Variants in TMEM117 observed in about 807,000 individuals in gnomAD.
TMEM117 encodes transmembrane protein 117.
Under a neutral mutation model 52.4 loss-of-function variants are expected in TMEM117, and 27 were observed. The observed-to-expected ratio is 0.51, with a 90% CI of 0.38 to 0.71. The LOEUF is 0.71. TMEM117 is among the 30% of genes least tolerant of loss of function. The probability of loss-of-function intolerance (pLI) is 0.00; values close to 1 mark genes in which losing one functional copy is unlikely to be tolerated. For synonymous variants in TMEM117, 215 were observed against 206.3 expected (o/e 1.04, Z -0.36); for missense variants, 556 against 630.5 (o/e 0.88, Z 1.26).
At chr12:44,120,713 C>A (rs1948219767) in intron 3 of TMEM117, among the ~76,000 whole-genome samples, 1 of 152,122 alleles carries the variant, frequency 6.6e-6, no homozygotes, top group Non-Finnish European at 1.5e-5. Context: ...TATCTGCTGA[C>A]CCTTAGATGC....
chr12:43,932,895 TA>T (rs1944893727), intron 2 of TMEM117, among the ~76,000 whole-genome samples: 1 of 152,134 alleles, frequency 6.6e-6, no homozygotes, highest in Non-Finnish European at 1.5e-5. Context: ...AAATTCAGGA[TA>T]AAAGGGAGAG....
At chr12:43,912,941 A>G (rs1468814492) in intron 2 of TMEM117, among the ~76,000 whole-genome samples, 2 of 152,188 alleles carry the variant, frequency 1.3e-5, no homozygotes, top group Non-Finnish European at 2.9e-5. Context: ...GATTATTCAT[A>G]AAAGCTATCC....
At chr12:44,275,590 A>G (rs1298534458) in intron 5 of TMEM117, among the ~76,000 whole-genome samples, 1 of 152,144 alleles carries the variant, frequency 6.6e-6, no homozygotes, top group African/African-American at 2.4e-5. Context: ...TGTGGTACAT[A>G]TATATAATGG....
At chr12:44,015,661 C>T (rs1022601615) in intron 3 of TMEM117, among the ~76,000 whole-genome samples, 5 of 152,220 alleles carry the variant, frequency 3.3e-5, no homozygotes, top group African/African-American at 9.6e-5. Flanking sequence ...TAAATTAACT[C>T]TTCGGAATTC....
chr12:44,173,718 T>G (rs548589578), intron 4 of TMEM117, among the ~76,000 whole-genome samples: 2 of 152,168 alleles, frequency 1.3e-5, no homozygotes, highest in East Asian at 1.9e-4. Context: ...AAATACTTAC[T>G]TTCATAAAAT....
chr12:44,294,597 T>C (rs1180863811), intron 5 of TMEM117, among the ~76,000 whole-genome samples: 1 of 152,204 alleles, frequency 6.6e-6, no homozygotes, highest in Non-Finnish European at 1.5e-5. Context: ...GCTTTCACCT[T>C]TCCACTTGAT....
At chr12:44,382,907 C>T (rs566228865) in intron 7 of TMEM117, among the ~76,000 whole-genome samples, 1 of 152,286 alleles carries the variant, frequency 6.6e-6, no homozygotes, top group South Asian at 2.1e-4. Context: ...TAGGGAGAGA[C>T]ATGAAGAGAT....
intron 3 of TMEM117, among the ~76,000 whole-genome samples, chr12:44,049,177 A>G (rs1001615388): frequency 3.9e-5 from 6 of 152,216 alleles, no homozygotes; most frequent in Admixed American, 1.3e-4. Flanking sequence ...ATGCCCATCA[A>G]TGATAGACTG....
intron 2 of TMEM117, among the ~76,000 whole-genome samples, chr12:43,921,245 T>C (rs1000817415): frequency 2.0e-5 from 3 of 152,242 alleles, no homozygotes; most frequent in African/African-American, 7.2e-5. Flanking sequence ...AAAAATATTT[T>C]TCTTTCTGAT....
intron 6 of TMEM117, among the ~76,000 whole-genome samples, chr12:44,368,100 A>T (rs1951814810): frequency 6.6e-6 from 1 of 152,038 alleles, no homozygotes; most frequent in Admixed American, 6.6e-5. Flanking sequence ...CCTCTAGCTG[A>T]TATGATCCTC....
intron 3 of TMEM117, among the ~76,000 whole-genome samples, chr12:44,039,238 G>A (rs1298084670): frequency 6.6e-6 from 1 of 151,974 alleles, no homozygotes; most frequent in Non-Finnish European, 1.5e-5. Flanking sequence ...TTCTTTCACA[G>A]ATTTCTTATG....
intron 5 of TMEM117, among the ~76,000 whole-genome samples, chr12:44,281,972 C>T (rs1565669753): frequency 1.3e-5 from 2 of 152,128 alleles, no homozygotes; most frequent in African/African-American, 2.4e-5. Context: ...AGAATTCCCA[C>T]GTGTTGTAGG....
intron 3 of TMEM117, among the ~76,000 whole-genome samples, chr12:43,981,616 A>G (rs1239790477): frequency 2.0e-5 from 3 of 152,188 alleles, no homozygotes; most frequent in Admixed American, 2.0e-4. Flanking sequence ...GATTGGTTAA[A>G]CCTTCTGACT....
chr12:44,215,722 C>CTT (rs558644951), intron 5 of TMEM117, among the ~76,000 whole-genome samples: 39 of 137,030 alleles, frequency 2.8e-4, no homozygotes, highest in African/African-American at 3.8e-4. Flanking sequence ...AAAGCCTTAG[C>CTT]TTTTTTTAAA....
chr12:43,984,995 C>A (rs1195286289), intron 3 of TMEM117, among the ~76,000 whole-genome samples: 1 of 150,922 alleles, frequency 6.6e-6, no homozygotes, highest in Non-Finnish European at 1.5e-5. Flanking sequence ...TTTGCAACTT[C>A]TCTCTTTGAG....
chr12:44,295,200 G>GTATTTATT (rs1209379533), intron 5 of TMEM117, among the ~76,000 whole-genome samples: 2 of 151,348 alleles, frequency 1.3e-5, no homozygotes, highest in Admixed American at 6.6e-5. Flanking sequence ...TATATATATT[G>GTATTTATT]TATTTATTTA....
At chr12:44,247,670 A>G (rs1368441960) in intron 5 of TMEM117, among the ~76,000 whole-genome samples, 1 of 152,236 alleles carries the variant, frequency 6.6e-6, no homozygotes, top group African/African-American at 2.4e-5. Context: ...CAGCATCACT[A>G]ATCACCAGAG....
chr12:44,137,986 C>T (rs543560265), intron 3 of TMEM117, among the ~76,000 whole-genome samples: 3 of 152,148 alleles, frequency 2.0e-5, no homozygotes, highest in Non-Finnish European at 4.4e-5. Flanking sequence ...AGAAGCTTTG[C>T]ATACTTTATA....
chr12:44,193,238 A>G (rs1421543854), intron 4 of TMEM117, among the ~76,000 whole-genome samples: 1 of 152,234 alleles, frequency 6.6e-6, no homozygotes, highest in African/African-American at 2.4e-5. Flanking sequence ...CTAAGAATAC[A>G]GTGGACAAGA....
Sources: gnomAD v4.1 joint callset for allele counts (sites outside exome capture counted in the v4.1 genomes callset) on GRCh38, gnomAD v4.1.1 for gene constraint, MANE v1.5 for transcripts, NCBI Gene and HGNC (gene_info 2026-07-23, HGNC 2026-07-21) for gene names.